ESRRG: variants seen among roughly 807,000 people sequenced by gnomAD.
ESRRG encodes estrogen related receptor gamma.
In ESRRG, 13 loss-of-function variants were observed where a neutral mutation model predicts 44.0. The ratio of observed to expected loss-of-function variants is 0.30; its 90% CI spans 0.19 to 0.47. The LOEUF (loss-of-function observed/expected upper bound fraction) is 0.47. Ranked by LOEUF, ESRRG falls within the 20% of genes least tolerant of loss-of-function variation. ESRRG has a pLI of 1.00. For synonymous variants in ESRRG, 215 were observed against 214.6 expected (o/e 1.00, Z -0.02); for missense variants, 395 against 580.6 (o/e 0.68, Z 3.29).
intron 1 of ESRRG, among the ~76,000 whole-genome samples, chr1:217,009,972 G>C (rs1362152413): frequency 6.6e-6 from 1 of 151,952 alleles, no homozygotes. Flanking sequence ...CCAAAGTGCT[G>C]GGATTACAAG....
chr1:216,668,951 A>G (rs1184283238), intron 2 of ESRRG, among the ~76,000 whole-genome samples: 1 of 152,220 alleles, frequency 6.6e-6, no homozygotes, highest in Non-Finnish European at 1.5e-5. Context: ...TGGTATAAAA[A>G]TCTTTTTCAT....
chr1:217,015,137 C>T (rs2079155974), intron 1 of ESRRG, among the ~76,000 whole-genome samples: 1 of 152,214 alleles, frequency 6.6e-6, no homozygotes, highest in Non-Finnish European at 1.5e-5. Context: ...TATACTACTC[C>T]ACATACCCAC....
intron 1 of ESRRG, among the ~76,000 whole-genome samples, chr1:217,054,536 C>A (rs189643407): frequency 6.6e-6 from 1 of 152,272 alleles, no homozygotes; most frequent in African/African-American, 2.4e-5. Context: ...TAAGCAAAGA[C>A]TACTTAACAG....
intron 1 of ESRRG, among the ~76,000 whole-genome samples, chr1:217,016,275 C>T (rs1395199457): frequency 1.3e-5 from 2 of 151,904 alleles, no homozygotes; most frequent in African/African-American, 4.8e-5. Flanking sequence ...AGCCAAGTGC[C>T]ATTTCCTTTT....
chr1:216,957,296 A>G (rs537720487), intron 1 of ESRRG, among the ~76,000 whole-genome samples: 1 of 152,246 alleles, frequency 6.6e-6, no homozygotes, highest in South Asian at 2.1e-4. Context: ...AATACCATAT[A>G]TGTACTTACA....
intron 3 of ESRRG, among the ~76,000 whole-genome samples, chr1:216,616,903 GAGATATGCAT>G (rs1574170756): frequency 6.6e-6 from 1 of 152,080 alleles, no homozygotes; most frequent in African/African-American, 2.4e-5. Flanking sequence ...AAGATTCCCT[GAGATATGCAT>G]AGACAGCTAA....
At chr1:216,835,190 A>G (rs183225985) in intron 2 of ESRRG, among the ~76,000 whole-genome samples, 1,667 of 152,342 alleles carry the variant, frequency 0.011, 15 homozygotes, top group Non-Finnish European at 0.016. Context: ...GTGTTGAAAG[A>G]AAAACTTCAG....
chr1:217,072,500 C>T (rs2090686868), intron 1 of ESRRG, among the ~76,000 whole-genome samples: 1 of 152,090 alleles, frequency 6.6e-6, no homozygotes, highest in Non-Finnish European at 1.5e-5. Context: ...CTTATTTAAT[C>T]CTCAAAATAG....
At chr1:216,779,792 A>G (rs988318848) in intron 2 of ESRRG, among the ~76,000 whole-genome samples, 1 of 151,076 alleles carries the variant, frequency 6.6e-6, no homozygotes, top group Non-Finnish European at 1.5e-5. Flanking sequence ...TGTTAGAAAA[A>G]CATATTAAAA....
upstream of ESRRG, among the ~76,000 whole-genome samples, chr1:216,726,489 A>G (rs1245368331): frequency 6.6e-6 from 1 of 152,172 alleles, no homozygotes; most frequent in East Asian, 1.9e-4. Flanking sequence ...CATGAGTAAT[A>G]CTGAGCTTAA....
chr1:216,582,340 C>A (rs1043957250), intron 3 of ESRRG, among the ~76,000 whole-genome samples: 4 of 152,166 alleles, frequency 2.6e-5, no homozygotes, highest in Admixed American at 2.0e-4. Flanking sequence ...TAGCAGGTGG[C>A]AACAAAGGGT....
At chr1:216,799,918 T>C (rs569539431) in intron 2 of ESRRG, among the ~76,000 whole-genome samples, 2 of 152,264 alleles carry the variant, frequency 1.3e-5, no homozygotes, top group South Asian at 4.1e-4. Flanking sequence ...AACCATGTAA[T>C]GTTCTTGAGG....
At chr1:216,732,519 G>C (rs1210236689) in intron 2 of ESRRG, among the ~76,000 whole-genome samples, 2 of 151,754 alleles carry the variant, frequency 1.3e-5, no homozygotes, top group Non-Finnish European at 2.9e-5. Flanking sequence ...TGAGACTACA[G>C]GTGCCCACCA....
At chr1:216,794,031 A>C (rs1446465303) in intron 2 of ESRRG, among the ~76,000 whole-genome samples, 1 of 150,964 alleles carries the variant, frequency 6.6e-6, no homozygotes, top group Non-Finnish European at 1.5e-5. Flanking sequence ...CTGAAATGAG[A>C]TCACTTTTCA....
intron 2 of ESRRG, among the ~76,000 whole-genome samples, chr1:216,899,029 G>A (rs2058752919): frequency 6.6e-6 from 1 of 152,132 alleles, no homozygotes; most frequent in South Asian, 2.1e-4. Flanking sequence ...GTCACAGGTA[G>A]GACTGGAAAC....
intron 1 of ESRRG, among the ~76,000 whole-genome samples, chr1:216,699,363 G>A (rs1190727064): frequency 1.3e-5 from 2 of 152,144 alleles, no homozygotes; most frequent in African/African-American, 4.8e-5. Context: ...GGCATTCTTA[G>A]ACTTCCAACA....
intron 1 of ESRRG, among the ~76,000 whole-genome samples, chr1:217,019,752 C>A (rs112331998): frequency 3.0e-4 from 46 of 152,246 alleles, no homozygotes; most frequent in African/African-American, 1.1e-3. Flanking sequence ...GCAGAGTCAT[C>A]CCCAGGTGGG....
chr1:216,706,177 C>T (rs2082404243), intron 1 of ESRRG, among the ~76,000 whole-genome samples: 2 of 151,424 alleles, frequency 1.3e-5, no homozygotes, highest in Admixed American at 1.3e-4. Context: ...AGAATGCATC[C>T]ATTTTAAACA....
At chr1:217,131,632 C>T (rs904837407) in intron 1 of ESRRG, among the ~76,000 whole-genome samples, 4 of 152,090 alleles carry the variant, frequency 2.6e-5, no homozygotes, top group African/African-American at 7.2e-5. Flanking sequence ...TATTGGAGGG[C>T]GCAGAAGACT....
Sources: gnomAD v4.1 joint callset for allele counts (sites outside exome capture counted in the v4.1 genomes callset) on GRCh38, gnomAD v4.1.1 for gene constraint, MANE v1.5 for transcripts, NCBI Gene and HGNC (gene_info 2026-07-23, HGNC 2026-07-21) for gene names.